KHDRBS1: variants seen among roughly 807,000 people sequenced by gnomAD.
KHDRBS1 encodes KH RNA binding domain containing, signal transduction associated 1, also known as KH domain-containing, RNA-binding, signal transduction-associated protein 1.
In KHDRBS1, 7 loss-of-function variants were observed where a neutral mutation model predicts 48.4. That is an observed-to-expected ratio of 0.14 (90% CI 0.08 to 0.27). The LOEUF is 0.27. Among genes scored for constraint, KHDRBS1 ranks in the 10% least tolerant of loss-of-function variants. The pLI, the probability that KHDRBS1 is intolerant of heterozygous loss-of-function variation, is 1.00. For synonymous variants in KHDRBS1, 241 were observed against 235.8 expected (o/e 1.02, Z -0.20); for missense variants, 458 against 601.2 (o/e 0.76, Z 2.49).
exon 11 of KHDRBS1, chr1:32,060,327 A>G (rs1026924344): frequency 1.3e-5 from 2 of 152,192 alleles, no homozygotes; most frequent in Non-Finnish European, 2.9e-5. Flanking sequence ...ATCCCTTAAG[A>G]GTCTTTAGGC....
intron 1 of KHDRBS1, among the ~76,000 whole-genome samples, chr1:32,022,654 G>A (rs998927326): frequency 1.3e-5 from 2 of 152,250 alleles, no homozygotes; most frequent in East Asian, 3.9e-4. Flanking sequence ...ACTTTGGGAG[G>A]CCGAGGCAGG....
intron 1 of KHDRBS1, among the ~76,000 whole-genome samples, chr1:32,028,534 G>T (rs1330848908): frequency 6.5e-5 from 8 of 122,862 alleles, no homozygotes; most frequent in African/African-American, 2.6e-4. Context: ...ACAGAGTCTC[G>T]CTCTGTCGCC....
At chr1:32,020,714 A>G (rs530831710) in intron 1 of KHDRBS1, among the ~76,000 whole-genome samples, 1 of 152,320 alleles carries the variant, frequency 6.6e-6, no homozygotes, top group Non-Finnish European at 1.5e-5. Flanking sequence ...AAAAGGTTAC[A>G]TACTATATGA....
At chr1:32,016,867 A>G (rs991520042) in intron 1 of KHDRBS1, among the ~76,000 whole-genome samples, 14 of 152,196 alleles carry the variant, frequency 9.2e-5, no homozygotes, top group African/African-American at 3.4e-4. Flanking sequence ...TCACCGTTGT[A>G]TCTTCTATGC....
chr1:32,059,930 T>C (rs751889554), intron 10 of KHDRBS1, among the ~76,000 whole-genome samples: 15 of 152,276 alleles, frequency 9.9e-5, no homozygotes, highest in Non-Finnish European at 2.1e-4. Flanking sequence ...ACAGGAGATA[T>C]TGAGCGTGAG....
At chr1:32,035,370 C>G (rs1490477729) in intron 4 of KHDRBS1, among the ~76,000 whole-genome samples, 1 of 151,986 alleles carries the variant, frequency 6.6e-6, no homozygotes, top group Admixed American at 6.6e-5. Context: ...GTAGGAGGAG[C>G]TAGAGAGTTG....
chr1:32,044,076 C>T (rs1409240637), downstream of KHDRBS1, among the ~76,000 whole-genome samples: 4 of 152,104 alleles, frequency 2.6e-5, no homozygotes, highest in East Asian at 7.7e-4. Flanking sequence ...ATAACCAAAG[C>T]TTTTTCACCC....
intron 1 of KHDRBS1, among the ~76,000 whole-genome samples, chr1:32,025,725 C>CCCTTCCCTCCTT (rs1638956033): frequency 1.6e-5 from 2 of 125,434 alleles, no homozygotes; most frequent in Non-Finnish European, 3.3e-5. Flanking sequence ...TTCCCTCCCT[C>CCCTTCCCTCCTT]CCTTCCCTCC....
chr1:32,018,806 C>A (rs1418840819), intron 1 of KHDRBS1, among the ~76,000 whole-genome samples: 1 of 151,618 alleles, frequency 6.6e-6, no homozygotes, highest in African/African-American at 2.4e-5. Context: ...TGCGGTGGCC[C>A]ATGCCTGTAA....
At chr1:32,054,051 A>G (rs1639452556) in intron 10 of KHDRBS1, among the ~76,000 whole-genome samples, 1 of 152,056 alleles carries the variant, frequency 6.6e-6, no homozygotes, top group Admixed American at 6.6e-5. Context: ...GCCATTGCAC[A>G]CAACAAAAGC....
intron 1 of KHDRBS1, among the ~76,000 whole-genome samples, chr1:32,017,141 C>A (rs1638758088): frequency 6.6e-6 from 1 of 152,006 alleles, no homozygotes; most frequent in South Asian, 2.1e-4. Flanking sequence ...GCCTGTAATC[C>A]CAGCTACTTG....
intron 10 of KHDRBS1, among the ~76,000 whole-genome samples, chr1:32,050,424 G>A (rs530555421): frequency 6.6e-5 from 10 of 152,092 alleles, no homozygotes; most frequent in Admixed American, 2.0e-4. Flanking sequence ...TTTGTCATAG[G>A]TAATAAACTA....
chr1:32,035,173 C>T lies in KHDRBS1; in HGVS notation c.772-1737C>T, dbSNP rs553246631. Among the ~76,000 whole-genome samples the T allele has an allele frequency of 7.9e-5, 12 of 152,148 alleles. No individual in the cohort carries two copies. In the South Asian group the frequency reaches 2.3e-3, roughly 29 times the overall value. ...TCTCCTCTCTTCATTGTTAGTCTCCCTCATATTCCTCAGAAGGGTTAGGTT... is the reference window on the plus strand; with the variant it reads ...TCTCCTCTCTTCATTGTTAGTCTCCTTCATATTCCTCAGAAGGGTTAGGTT... On this transcript the variant is annotated intron_variant, in intron 4 of 8. Coordinates refer to ENST00000327300, the MANE Select transcript of KHDRBS1 (RefSeq NM_006559.3).
At chr1:32,016,686 T>A (rs970627219) in intron 1 of KHDRBS1, among the ~76,000 whole-genome samples, 1 of 152,190 alleles carries the variant, frequency 6.6e-6, no homozygotes, top group South Asian at 2.1e-4. Context: ...GCACTCTTCC[T>A]GTACCACCTA....
At chr1:32,028,798 C>T (rs1253633217) in intron 1 of KHDRBS1, among the ~76,000 whole-genome samples, 2 of 151,384 alleles carry the variant, frequency 1.3e-5, no homozygotes, top group Non-Finnish European at 1.5e-5. Flanking sequence ...AGCCACCGCA[C>T]CTGGCCTATT....
Position 32,037,837 on chromosome 1 carries a change from G to T in KHDRBS1, c.908G>T (p.Gly303Val). ...AAPPPPPVPR[G>V]RGVGPPRGAL... ...TAAGATAAACTTTCATTTTGTAGGG[G>T]CCGTGGTGTTGGACCACCTCGGGGG... Residue 303 changes from glycine (G) to valine (V), a missense_variant and splice_region_variant, in exon 6 of 9, where the codon GGC becomes GTC. By Grantham distance (109) the Gly-to-Val change is moderately radical (BLOSUM62 -3). Transcript: ENST00000327300. The T allele has an allele frequency of 6.2e-7, 1 of 1,613,018 alleles. No individual in the cohort carries two copies. The highest frequency in any genetic ancestry group is 1.1e-5 in the South Asian group (1 of 91,062).
Position 32,059,532 on chromosome 1 carries a change from T to C in KHDRBS1, n.1302-631T>C, listed in dbSNP as rs1271816189. ...TCCAGTCTGAGTGACAAAGCAAGAC[T>C]CTTTCTTTAAAAAAAAAAAAAAGAA... On this transcript the variant is annotated intron_variant and non_coding_transcript_variant, in intron 10 of 10. Coordinates refer to the KHDRBS1 transcript ENST00000484270. Among the ~76,000 whole-genome samples the C allele has an allele frequency of 2.0e-5, 3 of 149,912 alleles. No homozygotes were observed. In the East Asian group the frequency reaches 5.9e-4, roughly 29 times the overall value.
intron 1 of KHDRBS1, among the ~76,000 whole-genome samples, chr1:32,021,477 A>G (rs971524826): frequency 1.3e-5 from 2 of 152,212 alleles, no homozygotes; most frequent in Non-Finnish European, 2.9e-5. Context: ...AAAACAAATG[A>G]AGTTGTTTTG....
rs114896481 is a variant in KHDRBS1, at chr1:32,026,832, T to C, written c.383-3466T>C. Among the ~76,000 whole-genome samples, 1,034 of 152,304 alleles carry C rather than the reference T, an allele frequency of 6.8e-3. 17 individuals are homozygous for C. Among genetic ancestry groups the C allele is most frequent in the African/African-American group, 0.024 (992 of 41,560 alleles). ...GTTGTTGTGATGGAGTCTTGCCCTA[T>C]CGCCCAAGCTGGAGTGCAGTGGCGC... is the stretch of plus-strand genomic sequence containing the variant. On this transcript the variant is annotated intron_variant, in intron 1 of 8. Coordinates refer to ENST00000327300, the MANE Select transcript of KHDRBS1 (RefSeq NM_006559.3).
Sources: gnomAD v4.1 joint callset for allele counts (sites outside exome capture counted in the v4.1 genomes callset) on GRCh38, gnomAD v4.1.1 for gene constraint, MANE v1.5 for transcripts, NCBI Gene and HGNC (gene_info 2026-07-23, HGNC 2026-07-21) for gene names.